KLHL18: variants seen among roughly 807,000 people sequenced by gnomAD.
KLHL18 encodes kelch like family member 18.
Under a neutral mutation model 58.5 loss-of-function variants are expected in KLHL18, and 38 were observed. That is an observed-to-expected ratio of 0.65 (90% CI 0.50 to 0.85). The LOEUF is 0.85. Among genes scored for constraint, KLHL18 ranks in the 40% least tolerant of loss-of-function variants. KLHL18 has a pLI of 0.00. For missense variants in KLHL18, 624 were observed against 778.4 expected (o/e 0.80, Z 2.36); for synonymous variants, 303 against 301.9 (o/e 1.00, Z -0.04).
intron 1 of KLHL18, among the ~76,000 whole-genome samples, chr3:47,309,480 C>G (rs891067490): frequency 6.6e-6 from 1 of 151,402 alleles, no homozygotes; most frequent in Non-Finnish European, 1.5e-5. Flanking sequence ...AGGCGCTCCC[C>G]ACAGCTCAGA....
intron 6 of KLHL18, among the ~76,000 whole-genome samples, chr3:47,335,593 T>A (rs1703966020): frequency 6.6e-6 from 1 of 152,166 alleles, no homozygotes; most frequent in Admixed American, 6.5e-5. Flanking sequence ...CTGCAACCTC[T>A]GCCTCCCGGG....
chr3:47,295,146 A>G (rs1702870798), intron 1 of KLHL18, among the ~76,000 whole-genome samples: 1 of 152,222 alleles, frequency 6.6e-6, no homozygotes, highest in Non-Finnish European at 1.5e-5. Context: ...TGTAGGATTT[A>G]GGAAAGGACT....
At chr3:47,284,188 C>T (rs1225489167) in intron 1 of KLHL18, among the ~76,000 whole-genome samples, 2 of 152,058 alleles carry the variant, frequency 1.3e-5, no homozygotes, top group Non-Finnish European at 2.9e-5. Context: ...GTTGTAATCA[C>T]ACCACTGCAC....
At chr3:47,323,823 C>T (rs1474755898) in intron 3 of KLHL18, among the ~76,000 whole-genome samples, 1 of 152,202 alleles carries the variant, frequency 6.6e-6, no homozygotes, top group East Asian at 1.9e-4. Context: ...CCCTCCGAAC[C>T]TCATCCCCTC....
chr3:47,299,484 A>G (rs1181009879), intron 1 of KLHL18, among the ~76,000 whole-genome samples: 2 of 152,114 alleles, frequency 1.3e-5, no homozygotes, highest in Non-Finnish European at 2.9e-5. Context: ...GTAAGGCCTT[A>G]AAGAGCAGAA....
At chr3:47,335,776 G>C (rs1171939099) in intron 6 of KLHL18, among the ~76,000 whole-genome samples, 1 of 152,162 alleles carries the variant, frequency 6.6e-6, no homozygotes, top group Non-Finnish European at 1.5e-5. Context: ...CCAAAGTGCT[G>C]GGATTACAGG....
intron 2 of KLHL18, 94 bp from the exon 3 acceptor site, chr3:47,322,474 G>C: frequency 8.0e-7 from 1 of 1,257,388 alleles, no homozygotes; most frequent in Non-Finnish European, 1.1e-6. Flanking sequence ...CAAAGGGCCT[G>C]GGCTAAGTAA....
At chr3:47,296,675 A>C (rs1242929214) in intron 1 of KLHL18, among the ~76,000 whole-genome samples, 1 of 152,226 alleles carries the variant, frequency 6.6e-6, no homozygotes, top group African/African-American at 2.4e-5. Flanking sequence ...GTACATTGCA[A>C]GATGAATAGG....
At chr3:47,335,111 T>C (rs1310210748) in intron 6 of KLHL18, among the ~76,000 whole-genome samples, 1 of 152,246 alleles carries the variant, frequency 6.6e-6, no homozygotes, top group Non-Finnish European at 1.5e-5. Flanking sequence ...CAATTGTTTT[T>C]GGCAGAGCAA....
At chr3:47,320,450 A>G (rs1347694521) in intron 2 of KLHL18, among the ~76,000 whole-genome samples, 2 of 152,312 alleles carry the variant, frequency 1.3e-5, no homozygotes, top group East Asian at 3.9e-4. Flanking sequence ...ATTGAAGCTC[A>G]AGGAGATCAA....
chr3:47,313,365 A>T (rs994974829), intron 1 of KLHL18, among the ~76,000 whole-genome samples: 6 of 152,050 alleles, frequency 3.9e-5, no homozygotes, highest in Non-Finnish European at 5.9e-5. Context: ...CTACAGACGC[A>T]TACCACTGCA....
chr3:47,300,247 A>T (rs1454556909), intron 1 of KLHL18, among the ~76,000 whole-genome samples: 1 of 146,194 alleles, frequency 6.8e-6, no homozygotes, highest in Admixed American at 7.0e-5. Flanking sequence ...AACCCTGACT[A>T]ATATGGGTGA....
intron 1 of KLHL18, among the ~76,000 whole-genome samples, chr3:47,283,742 C>G (rs1337436126): frequency 6.6e-6 from 1 of 152,174 alleles, no homozygotes; most frequent in Non-Finnish European, 1.5e-5. Context: ...ATATCTTAAC[C>G]ACCTGTTCCC....
rs548097242 is a variant in KLHL18 at position 47,324,679 on chromosome 3, A to G, written c.401+1971A>G. 5.2e-4 allele frequency among the ~76,000 whole-genome samples: 79 copies of G among 151,912 alleles called. 1 individual carries two copies. In the South Asian group the frequency reaches 0.016, roughly 30 times the overall value. ...AAGACCCTGTCTCTACAAAAAAAAA[A>G]TTTTTTTAATTAGTCAAGTGCAGTG... On this transcript the variant is annotated intron_variant, in intron 3 of 9. Transcript: ENST00000232766.
chr3:47,318,114 C>T (rs2107625775), intron 1 of KLHL18, among the ~76,000 whole-genome samples: 1 of 152,356 alleles, frequency 6.6e-6, no homozygotes, highest in Middle Eastern at 3.4e-3. Context: ...ATCCACCTTC[C>T]TTGGCCTCCC....
intron 7 of KLHL18, 44 bp downstream of exon 7, chr3:47,336,801 C>T: frequency 6.7e-7 from 1 of 1,481,782 alleles, no homozygotes; most frequent in East Asian, 2.3e-5. Flanking sequence ...ACACTGAGCA[C>T]CTGGGGAGCG....
intron 1 of KLHL18, among the ~76,000 whole-genome samples, chr3:47,313,199 G>A (rs950375441): frequency 1.2e-3 from 176 of 146,718 alleles, no homozygotes; most frequent in African/African-American, 4.0e-3. Context: ...GTGAGCCACC[G>A]TGCCCGGCCT....
Position 47,283,140 on chromosome 3 carries a change from C to G in KLHL18, c.129+46C>G, listed in dbSNP as rs1332432659. Reference sequence around the variant, plus strand: ...GCGGGCTGAGGGAAAAGGGGTCGAGCGGGGAGTAAAAAGGGGCGGGGGACA... The same window carrying G: ...GCGGGCTGAGGGAAAAGGGGTCGAGGGGGGAGTAAAAAGGGGCGGGGGACA... On this transcript the variant is annotated intron_variant, in intron 1 of 9. Transcript: ENST00000232766. 14 of 1,117,542 alleles carry G rather than the reference C, an allele frequency of 1.3e-5. No homozygotes were observed. In the African/African-American group the frequency reaches 2.1e-4, roughly 17 times the overall value. The allele number at this position is 1,117,542 out of a possible 1,614,324, so 69.2% of individuals were successfully genotyped here.
At chr3:47,286,744 A>G (rs1317603637) in intron 1 of KLHL18, among the ~76,000 whole-genome samples, 2 of 152,192 alleles carry the variant, frequency 1.3e-5, no homozygotes, top group Admixed American at 1.3e-4. Context: ...CAAAGTCCGT[A>G]GATCTTCCTC....
Sources: allele counts gnomAD v4.1 joint callset (sites outside exome capture counted in the v4.1 genomes callset), GRCh38; gene constraint gnomAD v4.1.1; transcripts MANE v1.5; gene names NCBI Gene and HGNC (gene_info 2026-07-23, HGNC 2026-07-21).